The following IPO11 variants were observed in gnomAD, a reference collection of about 807,000 sequenced individuals.
IPO11 encodes importin-11.
A neutral mutation model predicts 143.2 loss-of-function variants in IPO11; 66 were observed. That is an observed-to-expected ratio of 0.46 (90% confidence interval 0.38 to 0.57). IPO11 has a LOEUF of 0.57. Among genes scored for constraint, IPO11 ranks in the 20% least tolerant of loss-of-function variants. The probability of loss-of-function intolerance (pLI) is 0.00; values close to 1 mark genes in which losing one functional copy is unlikely to be tolerated. For missense variants in IPO11, 1,026 were observed against 1,141.0 expected (o/e 0.90, Z 1.45); for synonymous variants, 385 against 377.8 (o/e 1.02, Z -0.22).
Position 62,550,421 on chromosome 5 carries a change from C to T in IPO11, c.2305C>T (p.Pro769Ser), listed in dbSNP as rs1743350191. Residue 769 changes from proline to serine, a missense_variant, in exon 25 of 30, where the codon CCG becomes TCG. Coordinates refer to ENST00000325324, the MANE Select transcript of IPO11 (RefSeq NM_016338.5). ...AATACTAGGTCCACAAATGTTTCAA[C>T]CGATTTTACCCTATGTTTTCAAGGG... ...NPILGPQMFQ[P>S]ILPYVFKGII... is the part of the protein sequence containing the mutation. 1.2e-6 allele frequency: 2 copies of T among 1,612,796 alleles called. No individual in the cohort carries two copies. Among genetic ancestry groups the T allele is most frequent in the African/African-American group, 2.7e-5 (2 of 74,858 alleles).
At chr5:62,624,964 G>A (rs367748586) in intron 29 of IPO11, among the ~76,000 whole-genome samples, 12 of 131,574 alleles carry the variant, frequency 9.1e-5, no homozygotes, top group African/African-American at 2.6e-4. Flanking sequence ...CAGCCTGAGC[G>A]ACAGAGCGAG....
At chr5:62,562,874 A>T (rs1432045739) in intron 27 of IPO11, among the ~76,000 whole-genome samples, 1 of 152,228 alleles carries the variant, frequency 6.6e-6, no homozygotes, top group Non-Finnish European at 1.5e-5. Flanking sequence ...TAAGTGCTTT[A>T]TGTTGGTAAT....
At chr5:62,598,535 CT>C (rs374602507) in intron 28 of IPO11, among the ~76,000 whole-genome samples, 92 of 5,732 alleles carry the variant, frequency 0.016, 6 homozygotes, top group African/African-American at 0.055. Context: ...TCTTTTCTTT[CT>C]TTTCTTTCTT....
chr5:62,463,218 A>AAAC lies in IPO11; in HGVS notation c.517-3911_517-3909dup, dbSNP rs536206894. Among the ~76,000 whole-genome samples, 56 of 152,046 alleles carry AAAC rather than the reference A, an allele frequency of 3.7e-4. No individual in the cohort carries two copies. In the East Asian group the frequency reaches 0.01, roughly 28 times the overall value. On this transcript the variant is annotated intron_variant, in intron 5 of 29. Transcript: ENST00000325324. The stretch of plus-strand genomic sequence containing the variant: ...CACCATGTCCAGCTAATTTGTTAAG[A>AAAC]AACATTTTGTAGAAAAAGGGTCTCA...
intron 16 of IPO11, among the ~76,000 whole-genome samples, chr5:62,499,185 T>C (rs1056288415): frequency 3.1e-4 from 47 of 152,168 alleles, no homozygotes; most frequent in Non-Finnish European, 4.9e-4. Context: ...GGGGACATCA[T>C]AGAGTGTGCT....
At chr5:62,587,344 G>T (rs1744834590) in intron 27 of IPO11, among the ~76,000 whole-genome samples, 1 of 152,072 alleles carries the variant, frequency 6.6e-6, no homozygotes, top group African/African-American at 2.4e-5. Context: ...TTTCTTGCCA[G>T]TATTTTTCAG....
chr5:62,468,037 TC>T (rs940846335), intron 6 of IPO11, among the ~76,000 whole-genome samples: 4 of 152,146 alleles, frequency 2.6e-5, no homozygotes, highest in Non-Finnish European at 4.4e-5. Context: ...AACCTTGAAC[TC>T]CTGGGCTCAA....
intron 29 of IPO11, among the ~76,000 whole-genome samples, chr5:62,607,614 C>T (rs1274051073): frequency 6.6e-6 from 1 of 152,136 alleles, no homozygotes; most frequent in Non-Finnish European, 1.5e-5. Context: ...TTGGTGGCTT[C>T]AGAACTGCCC....
intron 1 of IPO11, chr5:62,419,247 G>C: frequency 8.7e-7 from 1 of 1,143,656 alleles, no homozygotes; most frequent in Non-Finnish European, 1.2e-6. Flanking sequence ...TTGGAGGACT[G>C]GAAATTGGTT....
intron 27 of IPO11, among the ~76,000 whole-genome samples, chr5:62,589,751 G>A (rs1328194445): frequency 6.6e-6 from 1 of 152,120 alleles, no homozygotes; most frequent in African/African-American, 2.4e-5. Context: ...GACCAGAAGA[G>A]GGGGAGACCA....
chr5:62,414,620 G>C (rs1443817581), intron 1 of IPO11, among the ~76,000 whole-genome samples: 1 of 152,160 alleles, frequency 6.6e-6, no homozygotes, highest in Non-Finnish European at 1.5e-5. Context: ...AGCTTAAGTT[G>C]CATCAGTGTT....
intron 24 of IPO11, among the ~76,000 whole-genome samples, chr5:62,542,487 G>A (rs936940872): frequency 3.3e-5 from 5 of 151,900 alleles, no homozygotes; most frequent in South Asian, 2.1e-4. Flanking sequence ...GCTCATTTTC[G>A]TTTTTAGTAT....
intron 27 of IPO11, among the ~76,000 whole-genome samples, chr5:62,570,078 G>A (rs1370182997): frequency 6.6e-6 from 1 of 152,136 alleles, no homozygotes. Context: ...ATAATTATAA[G>A]CTGAATTTTG....
chr5:62,624,681 C>T (rs1419825978), intron 29 of IPO11, among the ~76,000 whole-genome samples: 4 of 152,018 alleles, frequency 2.6e-5, no homozygotes, highest in Non-Finnish European at 5.9e-5. Flanking sequence ...TTTATCCAGC[C>T]CCTATTCAAG....
intron 24 of IPO11, among the ~76,000 whole-genome samples, chr5:62,544,872 T>C (rs1743101604): frequency 6.6e-6 from 1 of 152,106 alleles, no homozygotes; most frequent in Admixed American, 6.5e-5. Context: ...ATAAAATACC[T>C]AGGAATCCAA....
intron 24 of IPO11, among the ~76,000 whole-genome samples, chr5:62,540,541 T>C (rs919346960): frequency 6.6e-6 from 1 of 152,244 alleles, no homozygotes; most frequent in African/African-American, 2.4e-5. Flanking sequence ...TGATTCTACT[T>C]GTTTTTAATT....
At position 62,451,902 on chromosome 5, in the gene IPO11, G is replaced by A. The variant is rs749706442; in HGVS notation, c.485G>A (p.Arg162Gln). ...GTTACCAAGACACTGGCATCTAAAC[G>A]ACTTGCTGCTGATAGAAAACTATTT... Reference protein sequence around the residue: ...YHVTKTLASKRLAADRKLFYD... With the variant: ...YHVTKTLASKQLAADRKLFYD... The change falls in exon 5 of 30, where the codon CGA becomes CAA. Residue 162 changes from arginine to glutamine, a missense_variant. Coordinates refer to ENST00000325324, the MANE Select transcript of IPO11 (RefSeq NM_016338.5). 1.5e-5 allele frequency: 25 copies of A among 1,613,656 alleles called. No individual in the cohort carries two copies. Among genetic ancestry groups the A allele is most frequent in the Non-Finnish European group, 1.9e-5 (23 of 1,179,708 alleles).
At chr5:62,564,483 G>T (rs558674325) in intron 27 of IPO11, among the ~76,000 whole-genome samples, 2 of 152,058 alleles carry the variant, frequency 1.3e-5, no homozygotes, top group Non-Finnish European at 2.9e-5. Flanking sequence ...CCAAAATAAG[G>T]CATGTCTAAA....
At chr5:62,429,587 C>CGTGTGTGTGTGTGTGTGT (rs56185914) in intron 1 of IPO11, among the ~76,000 whole-genome samples, 2 of 128,582 alleles carry the variant, frequency 1.6e-5, no homozygotes, top group African/African-American at 5.8e-5. Context: ...GTCTGATTTT[C>CGTGTGTGTGTGTGTGTGT]GTGTGTGTGT....
Sources: allele counts gnomAD v4.1 joint callset (sites outside exome capture counted in the v4.1 genomes callset), GRCh38; gene constraint gnomAD v4.1.1; transcripts MANE v1.5; gene names NCBI Gene and HGNC (gene_info 2026-07-23, HGNC 2026-07-21).